The following H3C6 variants were observed in gnomAD, a reference collection of about 807,000 sequenced individuals.
H3C6 encodes the protein histone H3.1.
Under a neutral mutation model 8.0 loss-of-function variants are expected in H3C6, and 17 were observed. The observed-to-expected ratio is 2.13, with a 90% CI of 1.46 to 3.19. The LOEUF (loss-of-function observed/expected upper bound fraction) is 3.19, where lower values mean the gene tolerates loss of function less well. H3C6 is among the 30% of genes most tolerant of loss of function. H3C6 has a pLI of 0.00. For synonymous variants in H3C6, 169 were observed against 78.0 expected, an observed-to-expected ratio of 2.17 and a Z score of -6.15; for missense variants, 298 against 193.8, an observed-to-expected ratio of 1.54 and a Z score of -3.19.
chr6:26,224,485 A>C (rs1765586320), upstream of H3C6, among the ~76,000 whole-genome samples: 1 of 152,180 alleles, frequency 6.6e-6, no homozygotes, highest in African/African-American at 2.4e-5. Flanking sequence ...ACTTTTTTTG[A>C]CGGCTCTTGC....
At chr6:26,225,630 A>G, downstream of H3C6, 2 of 1,542,674 alleles carry the variant, frequency 1.3e-6, no homozygotes, top group Non-Finnish European at 1.8e-6. Context: ...TGTCCGTGAA[A>G]AGGGCTGTAA....
At position 26,225,466 on chromosome 6, in the gene H3C6, T is replaced by G; in HGVS notation, c.312T>G (p.Leu104=). ...QEACEAYLVG[L]FEDTNLCAIH... is the part of the protein sequence containing the mutation. ...CCTGCGAGGCCTACTTGGTGGGGCT[T>G]TTCGAGGACACCAACCTGTGCGCTA... The change falls in exon 1 of 1, where the codon CTT becomes CTG. Residue 104 remains leucine (L), a synonymous_variant. Transcript: ENST00000614911. 1.2e-6 allele frequency: 2 copies of G among 1,614,222 alleles called. No homozygotes were observed. The highest frequency in any genetic ancestry group is 1.7e-6 in the Non-Finnish European group (2 of 1,180,036).
upstream of H3C6, chr6:26,225,094 T>C (rs1439265769): frequency 6.7e-7 from 1 of 1,497,828 alleles, no homozygotes; most frequent in Non-Finnish European, 8.9e-7. Context: ...ATCAGAGTGA[T>C]TCTGTTCCTA....
Position 26,225,196 on chromosome 6 carries a change from T to C in H3C6, c.42T>C (p.Gly14=), listed in dbSNP as rs529724301. Residue 14 remains glycine (G), a synonymous_variant, in exon 1 of 1, where the codon GGT becomes GGC. Transcript: ENST00000614911. ...AGACGGCTCGTAAATCCACAGGCGG[T>C]AAAGCACCGCGCAAACAGCTGGCCA... ...TKQTARKSTG[G]KAPRKQLATK... The C allele has an allele frequency of 1.2e-5, 19 of 1,596,900 alleles. No individual in the cohort carries two copies. The highest frequency in any genetic ancestry group is 4.0e-5 in the African/African-American group (3 of 74,368).
chr6:26,225,367 G>A lies in H3C6; in HGVS notation c.213G>A (p.Leu71=), dbSNP rs372126549. Reference sequence around the variant, plus strand: ...TCCGGAAGCTGCCGTTTCAGCGCCTGGTGCGAGAAATAGCTCAGGACTTCA... The same window carrying A: ...TCCGGAAGCTGCCGTTTCAGCGCCTAGTGCGAGAAATAGCTCAGGACTTCA... ...LLIRKLPFQR[L]VREIAQDFKT... Residue 71 remains leucine, a synonymous_variant, in exon 1 of 1, where the codon CTG becomes CTA. Transcript: ENST00000614911. The A allele has an allele frequency of 4.3e-6, 7 of 1,614,134 alleles. No individual in the cohort carries two copies. Among genetic ancestry groups the A allele is most frequent in the Admixed American group, 1.7e-5 (1 of 60,014 alleles).
At chr6:26,226,075 C>T (rs1294153336), downstream of H3C6, 1 of 153,384 alleles carries the variant, frequency 6.5e-6, no homozygotes, top group African/African-American at 2.4e-5. Context: ...TGTTTTGAGA[C>T]CCAGCTACTT....
chr6:26,225,532 G>A lies in H3C6; in HGVS notation c.378G>A (p.Gln126=). 1.9e-6 allele frequency: 3 copies of A among 1,613,892 alleles called. No individual in the cohort carries two copies. The highest frequency in any genetic ancestry group is 1.3e-5 in the African/African-American group (1 of 75,044). Residue 126 remains glutamine, a synonymous_variant, in exon 1 of 1, where the codon CAG becomes CAA. Transcript: ENST00000614911. ...TGACCATCATGCCTAAAGACATCCA[G>A]CTTGCCCGCCGCATTCGTGGGGAGA... is the stretch of plus-strand genomic sequence containing the variant. ...KRVTIMPKDI[Q]LARRIRGERA
At position 26,225,541 on chromosome 6, in the gene H3C6, C is replaced by T. The variant is rs780168800; in HGVS notation, c.387C>T (p.Arg129=). Residue 129 remains arginine (R), a synonymous_variant, in exon 1 of 1, where the codon CGC becomes CGT. Transcript: ENST00000614911. ...TIMPKDIQLA[R]RIRGERA ...TGCCTAAAGACATCCAGCTTGCCCG[C>T]CGCATTCGTGGGGAGAGGGCGTGAA... is the stretch of plus-strand genomic sequence containing the variant. 3 of 1,613,850 alleles carry T rather than the reference C, an allele frequency of 1.9e-6. No homozygotes were observed. The highest frequency in any genetic ancestry group is 2.5e-6 in the Non-Finnish European group (3 of 1,179,880).
Position 26,225,275 on chromosome 6 carries a change from C to T in H3C6, c.121C>T (p.Arg41Cys). 1 of 1,614,120 alleles carries T rather than the reference C, an allele frequency of 6.2e-7. No homozygotes were observed. The highest frequency in any genetic ancestry group is 8.5e-7 in the Non-Finnish European group (1 of 1,179,974). Residue 41 changes from arginine (R) to cysteine (C), a missense_variant, in exon 1 of 1, where the codon CGC becomes TGC. By Grantham distance (180) the Arg-to-Cys change is radical (BLOSUM62 -3). Coordinates refer to ENST00000614911, the MANE Select transcript of H3C6 (RefSeq NM_003532.3). ...CACGGGCGGCGTGAAGAAGCCCCATCGCTACCGCCCTGGCACCGTGGCTCT... is the reference window on the plus strand; with the variant it reads ...CACGGGCGGCGTGAAGAAGCCCCATTGCTACCGCCCTGGCACCGTGGCTCT... ...PATGGVKKPHRYRPGTVALRE... is the reference protein window; with the variant it reads ...PATGGVKKPHCYRPGTVALRE...
In H3C6 at chr6:26,225,259, C is replaced by T. The variant is rs2113567050; in HGVS notation, c.105C>T (p.Gly35=). The T allele has an allele frequency of 5.0e-6, 8 of 1,613,900 alleles. No homozygotes were observed. Among genetic ancestry groups the T allele is most frequent in the Non-Finnish European group, 6.8e-6 (8 of 1,179,844 alleles). ...GCAAGAGCGCTCCGGCCACGGGCGG[C>T]GTGAAGAAGCCCCATCGCTACCGCC... ...AARKSAPATG[G]VKKPHRYRPG... The change falls in exon 1 of 1, where the codon GGC becomes GGT. Residue 35 remains glycine, a synonymous_variant. Coordinates refer to ENST00000614911, the MANE Select transcript of H3C6 (RefSeq NM_003532.3).
rs749133346 is a variant in H3C6 at position 26,225,491 on chromosome 6, A to G, written c.337A>G (p.Ile113Val). The G allele has an allele frequency of 1.2e-6, 2 of 1,614,226 alleles. No individual in the cohort carries two copies. The highest frequency in any genetic ancestry group is 1.3e-5 in the African/African-American group (1 of 75,064). ...GLFEDTNLCA[I>V]HAKRVTIMPK... is the part of the protein sequence containing the mutation. ...TTTCGAGGACACCAACCTGTGCGCTATTCATGCCAAACGCGTGACCATCAT... is the reference window on the plus strand; with the variant it reads ...TTTCGAGGACACCAACCTGTGCGCTGTTCATGCCAAACGCGTGACCATCAT... Residue 113 changes from isoleucine (I) to valine (V), a missense_variant, in exon 1 of 1, where the codon ATT becomes GTT. Coordinates refer to ENST00000614911, the MANE Select transcript of H3C6 (RefSeq NM_003532.3).
downstream of H3C6, chr6:26,226,480 C>G (rs1408015830): frequency 6.6e-6 from 1 of 152,478 alleles, no homozygotes; most frequent in African/African-American, 2.4e-5. Flanking sequence ...CAACCTCCGC[C>G]TCCCGGGTTC....
chr6:26,224,883 A>G (rs74758545), upstream of H3C6: 5,506 of 293,700 alleles, frequency 0.019, 189 homozygotes, highest in African/African-American at 0.093. Flanking sequence ...ATTAAGTTAA[A>G]TGATCAATGT....
rs1286586395 is a variant in H3C6, at chr6:26,225,244, T to G, written c.90T>G (p.Ala30=). Residue 30 remains alanine, a synonymous_variant, in exon 1 of 1, where the codon GCT becomes GCG. Transcript: ENST00000614911. ...CCACTAAGGCAGCTCGCAAGAGCGC[T>G]CCGGCCACGGGCGGCGTGAAGAAGC... ...QLATKAARKS[A]PATGGVKKPH... The G allele has an allele frequency of 6.2e-7, 1 of 1,613,168 alleles. No individual in the cohort carries two copies. The highest frequency in any genetic ancestry group is 8.5e-7 in the Non-Finnish European group (1 of 1,179,552).
Position 26,225,341 on chromosome 6 carries a change from A to C in H3C6, c.187A>C (p.Ile63Leu), listed in dbSNP as rs370200401. The change falls in exon 1 of 1, where the codon ATC becomes CTC. Residue 63 changes from isoleucine to leucine, a missense_variant. Transcript: ENST00000614911. ...RRYQKSTELL[I>L]RKLPFQRLVR... ...CTACCAGAAGTCTACCGAGCTTCTA[A>C]TCCGGAAGCTGCCGTTTCAGCGCCT... 3.7e-6 allele frequency: 6 copies of C among 1,614,240 alleles called. No individual in the cohort carries two copies. The highest frequency in any genetic ancestry group is 5.1e-6 in the Non-Finnish European group (6 of 1,180,036).
At position 26,225,378 on chromosome 6, in the gene H3C6, T is replaced by C; in HGVS notation, c.224T>C (p.Ile75Thr). ...KLPFQRLVRE[I>T]AQDFKTDLRF... ...CCGTTTCAGCGCCTGGTGCGAGAAA[T>C]AGCTCAGGACTTCAAGACCGACCTG... The change falls in exon 1 of 1, where the codon ATA (isoleucine) becomes ACA (threonine). Residue 75 changes from isoleucine to threonine, a missense_variant. Ile to Thr is a moderately conservative substitution (Grantham distance 89, BLOSUM62 -1). Transcript: ENST00000614911. 1.2e-6 allele frequency: 2 copies of C among 1,614,222 alleles called. No individual in the cohort carries two copies. Among genetic ancestry groups the C allele is most frequent in the South Asian group, 2.2e-5 (2 of 91,084 alleles).
At position 26,225,520 on chromosome 6, in the gene H3C6, T is replaced by C; in HGVS notation, c.366T>C (p.Pro122=). ...ATGCCAAACGCGTGACCATCATGCC[T>C]AAAGACATCCAGCTTGCCCGCCGCA... ...AIHAKRVTIM[P]KDIQLARRIR... Residue 122 remains proline (P), a synonymous_variant, in exon 1 of 1, where the codon CCT becomes CCC. Coordinates refer to ENST00000614911, the MANE Select transcript of H3C6 (RefSeq NM_003532.3). 6.2e-7 allele frequency: 1 copy of C among 1,614,126 alleles called. No individual in the cohort carries two copies. The highest frequency in any genetic ancestry group is 1.1e-5 in the South Asian group (1 of 91,078).
At position 26,225,464 on chromosome 6, in the gene H3C6, C is replaced by T. The variant is rs1377712944; in HGVS notation, c.310C>T (p.Leu104Phe). The T allele has an allele frequency of 7.4e-6, 12 of 1,614,246 alleles. No homozygotes were observed. In the African/African-American group the frequency reaches 8.0e-5, roughly 11 times the overall value. The change falls in exon 1 of 1, where the codon CTT becomes TTT. Residue 104 changes from leucine (L) to phenylalanine (F), a missense_variant. By Grantham distance (22) the Leu-to-Phe change is conservative. Transcript: ENST00000614911. ...GGCCTGCGAGGCCTACTTGGTGGGG[C>T]TTTTCGAGGACACCAACCTGTGCGC... ...QEACEAYLVG[L>F]FEDTNLCAIH... is the part of the protein sequence containing the mutation.
At chr6:26,225,845 T>C (rs144707201), downstream of H3C6, 81 of 332,516 alleles carry the variant, frequency 2.4e-4, no homozygotes, top group East Asian at 5.1e-3. Context: ...TGCTTTCTTG[T>C]ACATTGTTCT....
Sources: gnomAD v4.1 joint callset for allele counts (sites outside exome capture counted in the v4.1 genomes callset) on GRCh38, gnomAD v4.1.1 for gene constraint, MANE v1.5 for transcripts, NCBI Gene and HGNC (gene_info 2026-07-23, HGNC 2026-07-21) for gene names.